Variants in UNC80 observed in about 807,000 individuals in gnomAD.
The protein encoded by UNC80 is protein unc-80 homolog.
A neutral mutation model predicts 384.6 loss-of-function variants in UNC80; 164 were observed. The observed-to-expected ratio is 0.43, with a 90% confidence interval of 0.38 to 0.49. The LOEUF is 0.49. Among genes scored for constraint, UNC80 ranks in the 20% least tolerant of loss-of-function variants. The probability of loss-of-function intolerance (pLI) is 0.00; values close to 1 mark genes in which losing one functional copy is unlikely to be tolerated. For missense variants in UNC80, 3,330 were observed against 4,143.0 expected, an observed-to-expected ratio of 0.80 and a Z score of 5.39; for synonymous variants, 1,486 against 1,527.8, an observed-to-expected ratio of 0.97 and a Z score of 0.64.
intron 61 of UNC80, among the ~76,000 whole-genome samples, chr2:209,991,592 A>T (rs2093392319): frequency 6.6e-6 from 1 of 152,136 alleles, no homozygotes; most frequent in Non-Finnish European, 1.5e-5. Context: ...CAGCCTTTTA[A>T]ATCTAAAACC....
At chr2:209,844,767 C>T (rs1213535710) in intron 21 of UNC80, among the ~76,000 whole-genome samples, 1 of 149,542 alleles carries the variant, frequency 6.7e-6, no homozygotes, top group Non-Finnish European at 1.5e-5. Context: ...ATTTGTTTTA[C>T]ATTTTTTGTA....
intron 3 of UNC80, 120 bp from the exon 4 acceptor site, chr2:209,777,138 C>T (rs932094441): frequency 2.6e-6 from 3 of 1,167,014 alleles, no homozygotes; most frequent in East Asian, 4.8e-5. Flanking sequence ...ATGAGCCCTG[C>T]TAGCAGTGGT....
At position 209,936,264 on chromosome 2, in the gene UNC80, G is replaced by A. The variant is rs529308188; in HGVS notation, c.6273+456G>A. Among the ~76,000 whole-genome samples the A allele has an allele frequency of 9.2e-5, 14 of 152,178 alleles. No individual in the cohort carries two copies. In the South Asian group the frequency reaches 2.9e-3, roughly 32 times the overall value. ...GGCAAACAGAGTATATTCAAACGCT[G>A]CCTTCACCACAACCAGTGTGACCTA... On this transcript the variant is annotated intron_variant, in intron 40 of 64. Coordinates refer to ENST00000673920, the MANE Select transcript of UNC80 (RefSeq NM_001371986.1).
intron 40 of UNC80, among the ~76,000 whole-genome samples, chr2:209,936,339 G>A (rs958264927): frequency 6.6e-6 from 1 of 152,176 alleles, no homozygotes; most frequent in Non-Finnish European, 1.5e-5. Context: ...CAACAGTACT[G>A]AGATACTAGT....
chr2:209,906,470 CA>C (rs1406830806), intron 29 of UNC80, among the ~76,000 whole-genome samples: 1 of 152,060 alleles, frequency 6.6e-6, no homozygotes. Context: ...AAAACCATTG[CA>C]AGAGTTATTT....
intron 47 of UNC80, among the ~76,000 whole-genome samples, chr2:209,952,372 A>C (rs1401625222): frequency 1.3e-5 from 2 of 152,132 alleles, no homozygotes; most frequent in African/African-American, 2.4e-5. Context: ...TGTGTGATTG[A>C]TTTGATTTAA....
In UNC80 at chr2:209,970,834, G is replaced by T; in HGVS notation, c.8133G>T (p.Val2711=). The T allele has an allele frequency of 1.3e-6, 2 of 1,551,476 alleles. No individual in the cohort carries two copies. The highest frequency in any genetic ancestry group is 2.7e-5 in the African/African-American group (2 of 73,168). ...RSLINVCVNL[V]MGVVGPSSVA... The stretch of plus-strand genomic sequence containing the variant: ...CATGTGCTCTGTTTGTATTTCAGGT[G>T]ATGGGAGTGGTAGGACCTTCCAGTG... The change falls in exon 54 of 65, where the codon GTG becomes GTT. Residue 2711 remains valine, a splice_region_variant and synonymous_variant. Transcript: ENST00000673920.
At chr2:209,812,538 G>T (rs1017454227) in intron 7 of UNC80, among the ~76,000 whole-genome samples, 14 of 152,060 alleles carry the variant, frequency 9.2e-5, no homozygotes, top group Non-Finnish European at 2.1e-4. Context: ...TTGTATGTGG[G>T]TAGCATCATT....
Position 209,771,917 on chromosome 2 carries a change from G to T in UNC80, c.-156G>T. 1.6e-6 allele frequency: 1 copy of T among 635,928 alleles called. No homozygotes were observed. Among genetic ancestry groups the T allele is most frequent in the Non-Finnish European group, 2.9e-6 (1 of 340,276 alleles). 39.4% of individuals were successfully genotyped at this position (635,928 alleles called of 1,614,324 possible). A position where few individuals can be genotyped will look rare whatever the true frequency, so the allele number is the denominator to read the frequency against. On this transcript the variant is annotated 5_prime_UTR_variant, in exon 1 of 65. Coordinates refer to ENST00000673920, the MANE Select transcript of UNC80 (RefSeq NM_001371986.1). ...ATGTTCCACGCGCGGGGAGGGGTGG[G>T]GGGAGGGGAGAGGCACGGGGGATCA...
intron 22 of UNC80, among the ~76,000 whole-genome samples, chr2:209,854,492 A>C (rs1559204839): frequency 6.6e-6 from 1 of 152,154 alleles, no homozygotes; most frequent in Non-Finnish European, 1.5e-5. Flanking sequence ...ACAGCAAAAG[A>C]AACTATCATC....
At chr2:209,781,301 G>C (rs936651364) in intron 4 of UNC80, among the ~76,000 whole-genome samples, 11 of 152,112 alleles carry the variant, frequency 7.2e-5, no homozygotes, top group Non-Finnish European at 1.3e-4. Flanking sequence ...TTTACCAAGA[G>C]GGAAATTGAG....
At chr2:209,933,723 CAGA>C in intron 38 of UNC80, 96 bp from the exon 39 acceptor site, 2 of 1,070,916 alleles carry the variant, frequency 1.9e-6, no homozygotes, top group South Asian at 1.8e-5. Context: ...TATGAAGGCA[CAGA>C]AGAAGGTCGA....
At chr2:209,830,558 C>T (rs2080881857) in intron 15 of UNC80, among the ~76,000 whole-genome samples, 1 of 152,074 alleles carries the variant, frequency 6.6e-6, no homozygotes, top group Non-Finnish European at 1.5e-5. Flanking sequence ...GTGATAAATT[C>T]CTCCTGCGTT....
chr2:209,849,039 A>G (rs1382395759), intron 21 of UNC80, among the ~76,000 whole-genome samples: 3 of 152,144 alleles, frequency 2.0e-5, no homozygotes, highest in African/African-American at 4.8e-5. Context: ...TACACATTAT[A>G]CACAATGCTG....
intron 22 of UNC80, among the ~76,000 whole-genome samples, chr2:209,866,230 T>C (rs968703642): frequency 2.0e-5 from 3 of 152,164 alleles, no homozygotes; most frequent in Non-Finnish European, 4.4e-5. Context: ...TTTCATTTTA[T>C]TTTCTGTTTT....
At chr2:209,901,224 A>G (rs182681996) in intron 28 of UNC80, among the ~76,000 whole-genome samples, 1 of 152,342 alleles carries the variant, frequency 6.6e-6, no homozygotes, top group East Asian at 1.9e-4. Flanking sequence ...TCAAAACTTA[A>G]AAGAACAGGC....
intron 7 of UNC80, among the ~76,000 whole-genome samples, chr2:209,797,921 C>CT (rs2078271681): frequency 6.6e-6 from 1 of 152,156 alleles, no homozygotes. Context: ...TGATGTTGAG[C>CT]TTTTTTTCAT....
intron 54 of UNC80, 82 bp downstream of exon 54, chr2:209,971,039 A>G: frequency 6.8e-7 from 1 of 1,478,226 alleles, no homozygotes; most frequent in South Asian, 1.4e-5. Flanking sequence ...TTTTTTCTGC[A>G]AAGGCTGGGC....
intron 29 of UNC80, 92 bp downstream of exon 29, chr2:209,905,057 C>T (rs971038709): frequency 3.1e-6 from 4 of 1,297,650 alleles, no homozygotes; most frequent in Non-Finnish European, 4.3e-6. Context: ...CAAGCAAATG[C>T]AATTGTAACA....
Sources: gnomAD v4.1 joint callset for allele counts (sites outside exome capture counted in the v4.1 genomes callset) on GRCh38, gnomAD v4.1.1 for gene constraint, MANE v1.5 for transcripts, NCBI Gene and HGNC (gene_info 2026-07-23, HGNC 2026-07-21) for gene names.